The following ZNRF2 variants were observed in gnomAD, a reference collection of about 807,000 sequenced individuals.
ZNRF2 encodes E3 ubiquitin-protein ligase ZNRF2.
Under a neutral mutation model 20.4 loss-of-function variants are expected in ZNRF2, and 16 were observed. That is an observed-to-expected ratio of 0.79 (90% CI 0.53 to 1.19). The LOEUF (loss-of-function observed/expected upper bound fraction) is 1.19. Among genes scored for constraint, ZNRF2 ranks in the 50% most tolerant of loss-of-function variants. ZNRF2 has a pLI of 0.00. For missense variants in ZNRF2, 363 were observed against 332.4 expected (o/e 1.09, Z -0.72); for synonymous variants, 178 against 144.9 (o/e 1.23, Z -1.64).
intron 3 of ZNRF2, among the ~76,000 whole-genome samples, chr7:30,361,097 A>G (rs78322476): frequency 0.022 from 3,342 of 152,328 alleles, 115 homozygotes; most frequent in African/African-American, 0.076. Context: ...AGGAGTACTC[A>G]TGTTAGCTCG....
chr7:30,348,858 T>TA (rs1197630201), intron 2 of ZNRF2, among the ~76,000 whole-genome samples: 3 of 152,212 alleles, frequency 2.0e-5, no homozygotes, highest in Non-Finnish European at 4.4e-5. Context: ...GCCTGCTAAT[T>TA]ATCTCATAGC....
At position 30,295,017 on chromosome 7, in the gene ZNRF2, GA is replaced by G. The variant is rs1562603635; in HGVS notation, c.469+9192del. 3.9e-4 allele frequency among the ~76,000 whole-genome samples: 24 copies of G among 61,240 alleles called. 1 individual carries two copies. The highest frequency in any genetic ancestry group is 1.5e-3 in the African/African-American group (22 of 14,796). 40.2% of individuals were successfully genotyped at this position (61,240 alleles called of 152,430 possible). ...ACAGAGAGAGAGAGGGAGGGAAGGA[GA>G]GAGAGAGAGAGAGAGAGAGAGAGAG... On this transcript the variant is annotated intron_variant, in intron 1 of 4. Transcript: ENST00000323037.
At chr7:30,337,556 G>A (rs1779169529) in intron 2 of ZNRF2, among the ~76,000 whole-genome samples, 1 of 152,072 alleles carries the variant, frequency 6.6e-6, no homozygotes, top group Non-Finnish European at 1.5e-5. Flanking sequence ...TTTATCTTGG[G>A]AAGTAGGCAT....
At chr7:30,361,708 G>A (rs1372686952) in intron 3 of ZNRF2, among the ~76,000 whole-genome samples, 5 of 152,128 alleles carry the variant, frequency 3.3e-5, no homozygotes, top group Non-Finnish European at 7.4e-5. Flanking sequence ...TGTGACTGAG[G>A]AACTGGATTT....
chr7:30,293,164 TC>T (rs2128055481), intron 1 of ZNRF2, among the ~76,000 whole-genome samples: 1 of 152,246 alleles, frequency 6.6e-6, no homozygotes, highest in South Asian at 2.1e-4. Flanking sequence ...ATTTCGTTGT[TC>T]CTTATGGTTG....
intron 1 of ZNRF2, among the ~76,000 whole-genome samples, chr7:30,316,155 G>T (rs952148967): frequency 1.3e-5 from 2 of 151,486 alleles, no homozygotes; most frequent in African/African-American, 4.9e-5. Context: ...GGGCTTGGTG[G>T]TGCATCCCTG....
intron 2 of ZNRF2, among the ~76,000 whole-genome samples, chr7:30,350,974 A>C (rs1338367268): frequency 6.6e-6 from 1 of 151,420 alleles, no homozygotes; most frequent in Non-Finnish European, 1.5e-5. Flanking sequence ...GCTGCCTAAC[A>C]AATTCAGTCT....
rs79773027 is a variant in ZNRF2, at chr7:30,304,089, G to A, written c.469+18263G>A. On this transcript the variant is annotated intron_variant, in intron 1 of 4. Transcript: ENST00000323037. The stretch of plus-strand genomic sequence containing the variant: ...TTACTAATAATATTAGTTTACCTTC[G>A]CAGTGAAGTCATAACCCTTTGAGGG... Among the ~76,000 whole-genome samples, 12 of 151,950 alleles carry A rather than the reference G, an allele frequency of 7.9e-5. 1 individual carries two copies. Among genetic ancestry groups the A allele is most frequent in the South Asian group, 4.2e-4 (2 of 4,812 alleles).
chr7:30,362,213 T>C (rs1378152244), intron 3 of ZNRF2, among the ~76,000 whole-genome samples, 164 bp from the exon 4 acceptor site: 1 of 152,218 alleles, frequency 6.6e-6, no homozygotes, highest in African/African-American at 2.4e-5. Context: ...AGAATCAAAA[T>C]ATAATAAACA....
At chr7:30,304,646 C>T (rs895566684) in intron 1 of ZNRF2, among the ~76,000 whole-genome samples, 2 of 152,108 alleles carry the variant, frequency 1.3e-5, no homozygotes, top group African/African-American at 4.8e-5. Context: ...TGGGTGTTAC[C>T]AGTCTATTAT....
intron 1 of ZNRF2, among the ~76,000 whole-genome samples, chr7:30,304,309 C>T (rs1214947027): frequency 6.6e-6 from 1 of 152,108 alleles, no homozygotes; most frequent in Non-Finnish European, 1.5e-5. Context: ...CCACTATATT[C>T]CAGGACTAGC....
In ZNRF2 at chr7:30,367,216, A is replaced by G. The variant is rs1043261532; in HGVS notation, c.*1204A>G. 6.6e-6 allele frequency: 1 copy of G among 152,530 alleles called. No individual in the cohort carries two copies. The highest frequency in any genetic ancestry group is 2.4e-5 in the African/African-American group (1 of 41,468). 9.4% of individuals were successfully genotyped at this position (152,530 alleles called of 1,614,324 possible). ...TATTCATGTGTTATTACTGTAATTG[A>G]AAATGTTATAGACACTTTTAAATTC... On this transcript the variant is annotated 3_prime_UTR_variant, in exon 5 of 5. Transcript: ENST00000323037.
intron 1 of ZNRF2, among the ~76,000 whole-genome samples, chr7:30,295,050 A>AGAGAGAGAGTGTGTGT (rs1412764480): frequency 1.0e-4 from 4 of 38,282 alleles, no homozygotes; most frequent in Non-Finnish European, 1.9e-4. Flanking sequence ...AGAGAGAGAG[A>AGAGAGAGAGTGTGTGT]GTGTGTGTGT....
At chr7:30,285,847 A>G (rs752485166) in intron 1 of ZNRF2, 21 bp downstream of exon 1, 64 of 1,462,466 alleles carry the variant, frequency 4.4e-5, no homozygotes, top group Non-Finnish European at 4.9e-5. Flanking sequence ...CTCTCCGCGC[A>G]CCCGCGCTCG....
chr7:30,346,690 C>T (rs1040523068), intron 2 of ZNRF2, among the ~76,000 whole-genome samples: 3 of 151,980 alleles, frequency 2.0e-5, no homozygotes, highest in Non-Finnish European at 4.4e-5. Context: ...TGTTTTTTCA[C>T]TCTATTCCTA....
chr7:30,361,895 G>A (rs42587), intron 3 of ZNRF2, among the ~76,000 whole-genome samples: 13,485 of 152,074 alleles, frequency 0.089, 941 homozygotes, highest in African/African-American at 0.19. Flanking sequence ...ATTTGTGTAT[G>A]TATATGTATT....
intron 4 of ZNRF2, among the ~76,000 whole-genome samples, chr7:30,363,280 T>C (rs1469282426): frequency 6.6e-6 from 1 of 152,222 alleles, no homozygotes; most frequent in Non-Finnish European, 1.5e-5. Context: ...AGTATTATCA[T>C]GTGCCAGGTG....
At chr7:30,355,874 C>T (rs751861291) in intron 3 of ZNRF2, 41 bp downstream of exon 3, 1 of 1,501,340 alleles carries the variant, frequency 6.7e-7, no homozygotes. Context: ...AGATTGTTCT[C>T]ACAGTTTCAG....
At chr7:30,319,004 C>T (rs956834480) in intron 1 of ZNRF2, among the ~76,000 whole-genome samples, 13 of 151,472 alleles carry the variant, frequency 8.6e-5, no homozygotes, top group African/African-American at 2.4e-4. Flanking sequence ...CCCAGCTACT[C>T]GGGAGGCTGA....
Sources: gnomAD v4.1 joint callset for allele counts (sites outside exome capture counted in the v4.1 genomes callset) on GRCh38, gnomAD v4.1.1 for gene constraint, MANE v1.5 for transcripts, NCBI Gene and HGNC (gene_info 2026-07-23, HGNC 2026-07-21) for gene names.